Variants in KCNN2 observed in about 807,000 individuals in gnomAD.
KCNN2 encodes potassium calcium-activated channel subfamily N member 2.
A neutral mutation model predicts 55.5 loss-of-function variants in KCNN2; 24 were observed. The observed-to-expected ratio is 0.43, with a 90% CI of 0.31 to 0.61. KCNN2 has a LOEUF of 0.61. Ranked by LOEUF, KCNN2 falls within the 20% of genes least tolerant of loss-of-function variation. KCNN2 has a pLI of 0.08. For synonymous variants in KCNN2, 431 were observed against 336.1 expected (o/e 1.28, Z -3.09); for missense variants, 754 against 853.6 (o/e 0.88, Z 1.45).
intron 1 of KCNN2, among the ~76,000 whole-genome samples, chr5:114,193,353 A>C (rs1342602389): frequency 6.6e-6 from 1 of 152,120 alleles, no homozygotes; most frequent in East Asian, 1.9e-4. Flanking sequence ...TATACAGAAC[A>C]TATTCTGAGT....
At chr5:114,072,317 C>G (rs1191144535) in intron 1 of KCNN2, among the ~76,000 whole-genome samples, 2 of 151,740 alleles carry the variant, frequency 1.3e-5, no homozygotes, top group Non-Finnish European at 1.5e-5. Context: ...TAATGTCGAT[C>G]CCTTCTTGCT....
intron 3 of KCNN2, among the ~76,000 whole-genome samples, chr5:114,408,851 C>A (rs561003227): frequency 6.6e-6 from 1 of 152,214 alleles, no homozygotes; most frequent in African/African-American, 2.4e-5. Context: ...GTGCCACATT[C>A]GCTTAGCAGC....
chr5:114,401,970 A>G (rs905901082), intron 2 of KCNN2, among the ~76,000 whole-genome samples: 8 of 152,228 alleles, frequency 5.3e-5, no homozygotes, highest in Admixed American at 1.3e-4. Flanking sequence ...TCATTAGACA[A>G]TGGAAGATAG....
intron 3 of KCNN2, among the ~76,000 whole-genome samples, chr5:114,451,280 T>A (rs1760663400): frequency 6.6e-6 from 1 of 152,212 alleles, no homozygotes; most frequent in African/African-American, 2.4e-5. Flanking sequence ...CGAACTTTAT[T>A]TTAAAGTAAG....
intron 2 of KCNN2, among the ~76,000 whole-genome samples, chr5:114,306,764 G>A (rs1407841113): frequency 6.9e-6 from 1 of 145,352 alleles, no homozygotes. Flanking sequence ...GCAGTGGCAC[G>A]ATCTCAGCTC....
chr5:114,074,571 A>T (rs1269812716), intron 1 of KCNN2, among the ~76,000 whole-genome samples: 6 of 152,162 alleles, frequency 3.9e-5, no homozygotes, highest in Non-Finnish European at 4.4e-5. Context: ...ATTTTTAAAG[A>T]AAAGCACTAG....
At chr5:114,328,573 A>C (rs1756751975) in intron 2 of KCNN2, among the ~76,000 whole-genome samples, 1 of 152,154 alleles carries the variant, frequency 6.6e-6, no homozygotes, top group Non-Finnish European at 1.5e-5. Context: ...AGATCTTAGT[A>C]CCAAGCAGTC....
At chr5:114,372,288 A>G (rs1416822037) in intron 2 of KCNN2, among the ~76,000 whole-genome samples, 1 of 152,154 alleles carries the variant, frequency 6.6e-6, no homozygotes, top group African/African-American at 2.4e-5. Context: ...GAATCTTTGG[A>G]CAAGCCAAGG....
chr5:114,181,625 G>A (rs910675177), intron 1 of KCNN2, among the ~76,000 whole-genome samples: 3 of 151,998 alleles, frequency 2.0e-5, no homozygotes, highest in African/African-American at 7.2e-5. Context: ...TGTGATTGTT[G>A]TTTTCTGTTT....
chr5:114,176,214 G>C (rs548858753), intron 1 of KCNN2, among the ~76,000 whole-genome samples: 2 of 152,282 alleles, frequency 1.3e-5, no homozygotes, highest in South Asian at 4.1e-4. Flanking sequence ...CCTTTCCCAA[G>C]TGTGGCAACC....
At chr5:114,154,031 G>C (rs983859420) in intron 1 of KCNN2, among the ~76,000 whole-genome samples, 1 of 152,136 alleles carries the variant, frequency 6.6e-6, no homozygotes, top group African/African-American at 2.4e-5. Context: ...TCTGGCCCCA[G>C]GTTCTTGCAG....
chr5:114,434,606 A>T (rs1759937251), intron 3 of KCNN2, among the ~76,000 whole-genome samples: 1 of 152,224 alleles, frequency 6.6e-6, no homozygotes, highest in South Asian at 2.1e-4. Flanking sequence ...CTGGTATTAT[A>T]CAAGAGCCCT....
intron 2 of KCNN2, among the ~76,000 whole-genome samples, chr5:114,296,456 G>T (rs1211135003): frequency 6.6e-6 from 1 of 152,212 alleles, no homozygotes; most frequent in African/African-American, 2.4e-5. Context: ...AAGACTAGAA[G>T]AGAAAGTCTC....
At chr5:114,129,160 G>A (rs2112608795) in intron 1 of KCNN2, among the ~76,000 whole-genome samples, 1 of 152,126 alleles carries the variant, frequency 6.6e-6, no homozygotes, top group East Asian at 1.9e-4. Flanking sequence ...GTGGGATACA[G>A]AAAGGAATGA....
intron 2 of KCNN2, among the ~76,000 whole-genome samples, chr5:114,301,600 T>C (rs1756161814): frequency 1.3e-5 from 2 of 152,144 alleles, no homozygotes; most frequent in South Asian, 4.2e-4. Context: ...CACTCATATC[T>C]GCACTGAGGC....
chr5:114,358,569 T>C (rs1376118829), upstream of KCNN2, among the ~76,000 whole-genome samples: 2 of 152,210 alleles, frequency 1.3e-5, no homozygotes, highest in East Asian at 3.8e-4. Context: ...TTCTCTCACT[T>C]ATATGCTTTA....
intron 2 of KCNN2, among the ~76,000 whole-genome samples, chr5:114,366,484 T>G (rs1757606313): frequency 6.6e-6 from 1 of 152,208 alleles, no homozygotes; most frequent in Non-Finnish European, 1.5e-5. Context: ...TCCAAATTCT[T>G]ATCTGAGATG....
intron 2 of KCNN2, among the ~76,000 whole-genome samples, chr5:114,265,324 GGTGTGTGTGTGTGTGTGTGTGT>G (rs60111802): frequency 6.7e-5 from 10 of 149,244 alleles, no homozygotes; most frequent in South Asian, 4.3e-4. Flanking sequence ...ATCAAGAGGA[GGTGTGTGTGTGTGTGTGTGTGT>G]GTGTGTGTGT....
Position 114,124,475 on chromosome 5 carries a change from CT to C in KCNN2, c.-271+67976del, listed in dbSNP as rs543866527. Among the ~76,000 whole-genome samples the C allele has an allele frequency of 5.9e-5, 9 of 152,282 alleles. No homozygotes were observed. In the South Asian group the frequency reaches 1.4e-3, roughly 25 times the overall value. ...CCTCAAAAACCATGATCTGCCCCCC[CT>C]GGAATTTCCTGTGGGTGGTGAAGTA... On this transcript the variant is annotated intron_variant, in intron 1 of 10. Coordinates refer to the KCNN2 transcript ENST00000512097.
Sources: gnomAD v4.1 joint callset for allele counts (sites outside exome capture counted in the v4.1 genomes callset) on GRCh38, gnomAD v4.1.1 for gene constraint, MANE v1.5 for transcripts, NCBI Gene and HGNC (gene_info 2026-07-23, HGNC 2026-07-21) for gene names.